Variants in PDSS2 observed in about 807,000 individuals in gnomAD.
The protein encoded by PDSS2 is all trans-polyprenyl-diphosphate synthase PDSS2.
In PDSS2, 31 loss-of-function variants were observed where a neutral mutation model predicts 44.5. The observed-to-expected ratio is 0.70, with a 90% CI of 0.52 to 0.94. The LOEUF (loss-of-function observed/expected upper bound fraction) is 0.94. Ranked by LOEUF, PDSS2 falls within the 40% of genes least tolerant of loss-of-function variation. The probability of loss-of-function intolerance (pLI) is 0.00; values close to 1 mark genes in which losing one functional copy is unlikely to be tolerated. For missense variants in PDSS2, 452 were observed against 482.2 expected (o/e 0.94, Z 0.59); for synonymous variants, 157 against 180.3 (o/e 0.87, Z 1.03).
At chr6:107,291,093 G>A (rs749995682) in intron 2 of PDSS2, among the ~76,000 whole-genome samples, 4 of 151,504 alleles carry the variant, frequency 2.6e-5, no homozygotes, top group Non-Finnish European at 4.4e-5. Flanking sequence ...AGAATCTTTC[G>A]TGATGATAAC....
chr6:107,425,384 C>T (rs1780964467), intron 1 of PDSS2, among the ~76,000 whole-genome samples: 1 of 152,062 alleles, frequency 6.6e-6, no homozygotes, highest in Non-Finnish European at 1.5e-5. Flanking sequence ...ATGGCTTTGA[C>T]AAAAATGCTG....
At chr6:107,231,148 G>A (rs1774036659) in intron 4 of PDSS2, among the ~76,000 whole-genome samples, 1 of 152,176 alleles carries the variant, frequency 6.6e-6, no homozygotes. Context: ...TTTCTGCAAA[G>A]AGACAGAAAT....
chr6:107,184,843 T>G (rs1164170392), intron 7 of PDSS2, among the ~76,000 whole-genome samples: 16 of 152,030 alleles, frequency 1.1e-4, no homozygotes, highest in Non-Finnish European at 1.5e-4. Flanking sequence ...TTTTTTTTTT[T>G]TTACCAAGTG....
At chr6:107,313,897 T>C (rs1777123218) in intron 2 of PDSS2, among the ~76,000 whole-genome samples, 1 of 152,088 alleles carries the variant, frequency 6.6e-6, no homozygotes, top group Non-Finnish European at 1.5e-5. Flanking sequence ...ATGTTTGCAA[T>C]TCTAGCACTT....
intron 1 of PDSS2, among the ~76,000 whole-genome samples, chr6:107,347,364 CCGATTCAAG>C (rs1245819958): frequency 1.3e-5 from 2 of 151,074 alleles, no homozygotes; most frequent in Non-Finnish European, 2.9e-5. Context: ...AGCGATTCTC[CCGATTCAAG>C]CGATTCAAGC....
intron 1 of PDSS2, among the ~76,000 whole-genome samples, chr6:107,381,218 G>T (rs569329919): frequency 6.6e-6 from 1 of 152,064 alleles, no homozygotes; most frequent in African/African-American, 2.4e-5. Context: ...TGCTTTTCTC[G>T]ACTCTAACCT....
chr6:107,342,274 C>T (rs1469460404), intron 1 of PDSS2, among the ~76,000 whole-genome samples: 1 of 152,020 alleles, frequency 6.6e-6, no homozygotes, highest in Admixed American at 6.6e-5. Flanking sequence ...CTCCCCAAAA[C>T]AGACCTACTA....
chr6:107,296,138 G>A (rs1776500246), intron 2 of PDSS2, among the ~76,000 whole-genome samples: 2 of 152,200 alleles, frequency 1.3e-5, no homozygotes, highest in Admixed American at 6.5e-5. Context: ...ATATGGATAT[G>A]ACACCTGAAT....
intron 7 of PDSS2, among the ~76,000 whole-genome samples, chr6:107,159,512 G>A (rs1771045110): frequency 6.6e-6 from 1 of 151,524 alleles, no homozygotes; most frequent in African/African-American, 2.4e-5. Flanking sequence ...CGCCTCCCGG[G>A]TTCAAGCGAT....
chr6:107,427,431 G>A (rs1781040437), intron 1 of PDSS2, among the ~76,000 whole-genome samples: 1 of 151,974 alleles, frequency 6.6e-6, no homozygotes, highest in Admixed American at 6.6e-5. Flanking sequence ...ATAGAGTCTT[G>A]TCCCTGATAC....
chr6:107,446,415 A>G (rs1361756933), intron 1 of PDSS2, among the ~76,000 whole-genome samples: 1 of 152,252 alleles, frequency 6.6e-6, no homozygotes, highest in Non-Finnish European at 1.5e-5. Flanking sequence ...ATCATGTAAT[A>G]GCTATAGAAC....
At chr6:107,278,511 A>G (rs1775863266) in intron 2 of PDSS2, among the ~76,000 whole-genome samples, 2 of 152,216 alleles carry the variant, frequency 1.3e-5, no homozygotes, top group African/African-American at 4.8e-5. Flanking sequence ...AAAATCACAT[A>G]ATGAGATTAT....
intron 2 of PDSS2, among the ~76,000 whole-genome samples, chr6:107,289,822 C>T (rs566104393): frequency 6.6e-6 from 1 of 152,252 alleles, no homozygotes; most frequent in South Asian, 2.1e-4. Context: ...TGTAAAGAGC[C>T]CATGAGGCCA....
chr6:107,213,498 T>C (rs1773300232), intron 4 of PDSS2, among the ~76,000 whole-genome samples: 1 of 151,464 alleles, frequency 6.6e-6, no homozygotes, highest in African/African-American at 2.4e-5. Context: ...TGGTGGCTCA[T>C]GCCTGTAATC....
chr6:107,337,072 CACACAAAT>C, intron 1 of PDSS2, among the ~76,000 whole-genome samples: 1 of 114,548 alleles, frequency 8.7e-6, no homozygotes, highest in South Asian at 2.9e-4. Context: ...CACACACACA[CACACAAAT>C]AATAATAATA....
At chr6:107,309,217 T>C (rs1288816509) in intron 2 of PDSS2, among the ~76,000 whole-genome samples, 1 of 152,226 alleles carries the variant, frequency 6.6e-6, no homozygotes, top group Non-Finnish European at 1.5e-5. Flanking sequence ...GTCATTATAC[T>C]TCCTAATTTC....
chr6:107,381,885 A>C (rs1779465237), intron 1 of PDSS2, among the ~76,000 whole-genome samples: 1 of 152,198 alleles, frequency 6.6e-6, no homozygotes, highest in Admixed American at 6.5e-5. Context: ...ATTTTTTCAG[A>C]GGTTTAACAC....
intron 6 of PDSS2, among the ~76,000 whole-genome samples, chr6:107,208,114 G>A (rs1773063754): frequency 6.7e-6 from 1 of 149,218 alleles, no homozygotes. Flanking sequence ...AGCCTCCCGA[G>A]TAGCTGGGAT....
chr6:107,352,980 T>C (rs1778478072), intron 1 of PDSS2, among the ~76,000 whole-genome samples: 1 of 152,234 alleles, frequency 6.6e-6, no homozygotes, highest in South Asian at 2.1e-4. Context: ...ATTTAGCTTA[T>C]AAAACGCTAA....
Sources: gnomAD v4.1 joint callset for allele counts (sites outside exome capture counted in the v4.1 genomes callset) on GRCh38, gnomAD v4.1.1 for gene constraint, MANE v1.5 for transcripts, NCBI Gene and HGNC (gene_info 2026-07-23, HGNC 2026-07-21) for gene names.